The following IFRD2 variants were observed in gnomAD, a reference collection of about 807,000 sequenced individuals.
IFRD2 encodes the protein interferon related developmental regulator 2.
IFRD2 carries 35 observed loss-of-function variants against 49.2 expected under a neutral mutation model. The observed-to-expected ratio is 0.71, with a 90% CI of 0.54 to 0.94. The LOEUF is 0.94. Ranked by LOEUF, IFRD2 falls within the 40% of genes least tolerant of loss-of-function variation. IFRD2 has a pLI of 0.00. For missense variants in IFRD2, 561 were observed against 591.6 expected (o/e 0.95, Z 0.54); for synonymous variants, 275 against 239.7 (o/e 1.15, Z -1.36).
chr3:50,289,870 C>A, intron 5 of IFRD2, 59 bp downstream of exon 5: 1 of 1,604,076 alleles, frequency 6.2e-7, no homozygotes, highest in East Asian at 2.2e-5. Context: ...AGGGGGAACC[C>A]ACCACTCTGC....
Position 50,292,275 on chromosome 3 carries a change from G to A in IFRD2, c.-1C>T, listed in dbSNP as rs587765208. On this transcript the variant is annotated 5_prime_UTR_variant, in exon 1 of 12. Coordinates refer to ENST00000417626, the MANE Select transcript of IFRD2 (RefSeq NM_006764.5). ...TGTTGCCCTTACGGGCGCGAGGCAT[G>A]CCGGGAACCGGGCGCGGGGGGCGCG... 3.9e-6 allele frequency: 6 copies of A among 1,550,950 alleles called. No individual in the cohort carries two copies. The African/African-American group carries it at 5.5e-5, about 14-fold the overall frequency.
chr3:50,290,359 T>C (rs782790588), intron 3 of IFRD2, 29 bp downstream of exon 3: 18 of 1,594,554 alleles, frequency 1.1e-5, no homozygotes, highest in African/African-American at 2.7e-5. Context: ...TGGAGCTGGG[T>C]GTAGGAGTTG....
In IFRD2 at chr3:50,289,909, T is replaced by G. The variant is rs1553709489; in HGVS notation, c.546+20A>C. ...GGGATAAGGTGCAGGAAGGGTTTCA[T>G]GGGGCACAGGCACACTCACGTGGAG... On this transcript the variant is annotated intron_variant, in intron 5 of 11. Transcript: ENST00000417626. 7 of 1,612,172 alleles carry G rather than the reference T, an allele frequency of 4.3e-6. No individual in the cohort carries two copies. Among genetic ancestry groups the G allele is most frequent in the Non-Finnish European group, 5.9e-6 (7 of 1,178,990 alleles).
chr3:50,292,208 C>T lies in IFRD2; in HGVS notation c.58+9G>A, dbSNP rs6788234. ...CATACAGCTGTCCCGCGCCCCCCAC[C>T]CCACTCACCTCCTCCACGGCGCTGA... On this transcript the variant is annotated intron_variant, in intron 1 of 11. Coordinates refer to ENST00000417626, the MANE Select transcript of IFRD2 (RefSeq NM_006764.5). 1.1e-3 allele frequency: 1,539 copies of T among 1,458,524 alleles called. 14 individuals are homozygous for T. In the African/African-American group the frequency reaches 0.02, roughly 19 times the overall value. The allele number at this position is 1,458,524 out of a possible 1,614,324, so 90.3% of individuals were successfully genotyped here.
At chr3:50,291,865 C>G in intron 1 of IFRD2, 1 of 257,186 alleles carries the variant, frequency 3.9e-6, no homozygotes, top group Non-Finnish European at 7.3e-6. Flanking sequence ...GCCAGGACTC[C>G]CGCCAACTTC....
In IFRD2 at chr3:50,289,524, C is replaced by T; in HGVS notation, c.702G>A (p.Leu234=). The T allele has an allele frequency of 6.3e-7, 1 of 1,581,128 alleles. No homozygotes were observed. The change falls in exon 7 of 12, where the codon CTG becomes CTA. Residue 234 remains leucine (L), a synonymous_variant. Transcript: ENST00000417626. ...CCCAGGCCTGCAGGGCAGCAGAGAG[C>T]AGGCCGTGCAGGCTGGCAGGAACCA... The part of the protein sequence containing the change: ...SPVVPASLHG[L]LSAALQAWAL...
In IFRD2 at chr3:50,289,372, G is replaced by C; in HGVS notation, c.780-12C>G. On this transcript the variant is annotated splice_polypyrimidine_tract_variant and intron_variant, in intron 7 of 11. Coordinates refer to ENST00000417626, the MANE Select transcript of IFRD2 (RefSeq NM_006764.5). ...GCCGGGGCAGCTGCCTAGGGAAGGG[G>C]CAGGCTGAGCTATATGTGTGGCTTG... The C allele has an allele frequency of 6.3e-7, 1 of 1,587,162 alleles. No individual in the cohort carries two copies. Among genetic ancestry groups the C allele is most frequent in the African/African-American group, 1.3e-5 (1 of 74,502 alleles).
chr3:50,288,136 C>CTGTT lies in IFRD2; in HGVS notation c.*51_*54dup, dbSNP rs1701591555. On this transcript the variant is annotated 3_prime_UTR_variant, in exon 12 of 12. Transcript: ENST00000417626. ...TGGAGACCAGTTGTTGCACTGTCTTCTGTTAAAAATACGGACCAAGGGCAT... is the reference window on the plus strand; with the variant it reads ...TGGAGACCAGTTGTTGCACTGTCTTCTGTTTGTTAAAAATACGGACCAAGGGCAT... 7.0e-7 allele frequency: 1 copy of CTGTT among 1,426,770 alleles called. No individual in the cohort carries two copies. Among genetic ancestry groups the CTGTT allele is most frequent in the Non-Finnish European group, 9.8e-7 (1 of 1,019,110 alleles). 88.4% of individuals were successfully genotyped at this position (1,426,770 alleles called of 1,614,324 possible). A position where few individuals can be genotyped will look rare whatever the true frequency, so the allele number is the denominator to read the frequency against.
In IFRD2 at chr3:50,288,799, C is replaced by A. The variant is rs376368504; in HGVS notation, c.1023+1G>T. The A allele has an allele frequency of 5.0e-6, 8 of 1,613,106 alleles. No individual in the cohort carries two copies. In the African/African-American group the frequency reaches 9.3e-5, roughly 19 times the overall value. On this transcript the variant is annotated splice_donor_variant, in intron 9 of 11. Coordinates refer to ENST00000417626, the MANE Select transcript of IFRD2 (RefSeq NM_006764.5). LOFTEE classifies it high-confidence loss of function. The stretch of plus-strand genomic sequence containing the variant: ...TAGGACACATATGTTCTCACACACA[C>A]CTCCACGGAGTGCAGCACGGCGCGG...
Position 50,288,130 on chromosome 3 carries a change from T to TGTC in IFRD2, c.*58_*60dup, listed in dbSNP as rs1346608471. On this transcript the variant is annotated 3_prime_UTR_variant, in exon 12 of 12. Transcript: ENST00000417626. ...TACTGGTGGAGACCAGTTGTTGCAC[T>TGTC]GTCTTCTGTTAAAAATACGGACCAA... 4 of 1,378,972 alleles carry TGTC rather than the reference T, an allele frequency of 2.9e-6. No individual in the cohort carries two copies. In the East Asian group the frequency reaches 9.5e-5, roughly 33 times the overall value. The allele number at this position is 1,378,972 out of a possible 1,614,324, so 85.4% of individuals were successfully genotyped here. A position where few individuals can be genotyped will look rare whatever the true frequency, so the allele number is the denominator to read the frequency against.
Position 50,288,159 on chromosome 3 carries a change from C to T in IFRD2, c.*32G>A. 6.4e-7 allele frequency: 1 copy of T among 1,559,956 alleles called. No homozygotes were observed. Among genetic ancestry groups the T allele is most frequent in the Non-Finnish European group, 8.8e-7 (1 of 1,132,996 alleles). On this transcript the variant is annotated 3_prime_UTR_variant, in exon 12 of 12. Transcript: ENST00000417626. ...TTCTGTTAAAAATACGGACCAAGGG[C>T]ATAGAAAGTCTCCTCTTCAGCAGGT...
rs1553709666 is a variant in IFRD2, at chr3:50,290,664, G to C, written c.74C>G (p.Ala25Gly). Residue 25 changes from alanine (A) to glycine (G), a missense_variant, in exon 2 of 12, where the codon GCC becomes GGC. Transcript: ENST00000417626. Reference protein sequence around the residue: ...QRRGGGARSSAQADSGSSDDE... With the variant: ...QRRGGGARSSGQADSGSSDDE... ...GTCACTGGAACCCGAGTCAGCTTGG[G>C]CACTGCTCCGGGCACCTGGAGAAGG... 1 of 1,613,790 alleles carries C rather than the reference G, an allele frequency of 6.2e-7. No individual in the cohort carries two copies. The highest frequency in any genetic ancestry group is 8.5e-7 in the Non-Finnish European group (1 of 1,179,828).
chr3:50,290,564 G>C lies in IFRD2; in HGVS notation c.174C>G (p.Ser58Arg). Residue 58 changes from serine (S) to arginine (R), a missense_variant, in exon 2 of 12, where the codon AGC becomes AGG. Transcript: ENST00000417626. Reference sequence around the variant, plus strand: ...CAAACTTCCACCCGCTCTCACCAAGGCTGTCCTCTGCAGTGGTGCTGAGAA... The same window carrying C: ...CAAACTTCCACCCGCTCTCACCAAGCCTGTCCTCTGCAGTGGTGCTGAGAA... ...PSLLSTTAED[S>R]LGGDVVDEQG... 6.2e-7 allele frequency: 1 copy of C among 1,613,910 alleles called. No individual in the cohort carries two copies. Among genetic ancestry groups the C allele is most frequent in the Non-Finnish European group, 8.5e-7 (1 of 1,179,872 alleles).
Position 50,288,604 on chromosome 3 carries a change from C to T in IFRD2, c.1131G>A (p.Ser377=), listed in dbSNP as rs782487160. Residue 377 remains serine (S), a synonymous_variant, in exon 10 of 12, where the codon TCG becomes TCA. Coordinates refer to ENST00000417626, the MANE Select transcript of IFRD2 (RefSeq NM_006764.5). ...IYAAFKEVLG[S]GMHHHLQNNE... ...GCACCTGGAGGTGGTGGTGCATGCC[C>T]GAACCCAGCACTTCCTTGAAGGCAG... 1.4e-5 allele frequency: 22 copies of T among 1,613,782 alleles called. No individual in the cohort carries two copies. The highest frequency in any genetic ancestry group is 1.3e-4 in the Admixed American group (8 of 60,002).
Position 50,288,588 on chromosome 3 carries a change from G to A in IFRD2, c.1147C>T (p.Leu383Phe). ...CTCCCTGTCCGTCCCCGCACCTGGA[G>A]GTGGTGGTGCATGCCCGAACCCAGC... ...EVLGSGMHHH[L>F]QNNELLRDIF... Residue 383 changes from leucine to phenylalanine, a missense_variant, in exon 10 of 12, where the codon CTC becomes TTC. By Grantham distance (22) the Leu-to-Phe change is conservative (BLOSUM62 0). Coordinates refer to ENST00000417626, the MANE Select transcript of IFRD2 (RefSeq NM_006764.5). 6.2e-7 allele frequency: 1 copy of A among 1,613,966 alleles called. No individual in the cohort carries two copies. Among genetic ancestry groups the A allele is most frequent in the South Asian group, 1.1e-5 (1 of 91,088 alleles).
In IFRD2 at chr3:50,287,941, A is replaced by C; in HGVS notation, c.*250T>G. ...AAAGGCCCCCTAGTGCCTGCCCCAC[A>C]GCCCTGAGGAAGGCACATATTTAGC... On this transcript the variant is annotated 3_prime_UTR_variant, in exon 12 of 12. Transcript: ENST00000417626. The C allele has an allele frequency of 2.0e-6, 1 of 500,830 alleles. No homozygotes were observed. The highest frequency in any genetic ancestry group is 3.4e-5 in the East Asian group (1 of 29,436). The allele number at this position is 500,830 out of a possible 1,614,324, so 31.0% of individuals were successfully genotyped here. A position where few individuals can be genotyped will look rare whatever the true frequency, so the allele number is the denominator to read the frequency against.
intron 1 of IFRD2, 53 bp from the exon 2 acceptor site, chr3:50,290,732 TG>T: frequency 1.3e-6 from 2 of 1,593,794 alleles, no homozygotes; most frequent in Non-Finnish European, 1.7e-6. Flanking sequence ...GAGGGATGGC[TG>T]GGGGTACCTC....
chr3:50,291,212 G>A (rs1185472578), intron 1 of IFRD2, among the ~76,000 whole-genome samples: 3 of 152,002 alleles, frequency 2.0e-5, no homozygotes, highest in African/African-American at 7.3e-5. Flanking sequence ...GTTTCTCCAT[G>A]TTGGTCAGGC....
At chr3:50,288,329 T>C in intron 11 of IFRD2, 58 bp from the exon 12 acceptor site, 4 of 1,601,516 alleles carry the variant, frequency 2.5e-6, no homozygotes, top group Non-Finnish European at 3.4e-6. Context: ...GGGCTGGGGG[T>C]CCTCTTCCGG....
Sources: allele counts gnomAD v4.1 joint callset (sites outside exome capture counted in the v4.1 genomes callset), GRCh38; gene constraint gnomAD v4.1.1; transcripts MANE v1.5; gene names NCBI Gene and HGNC (gene_info 2026-07-23, HGNC 2026-07-21).